PPP2R2A: variants seen among roughly 807,000 people sequenced by gnomAD.
PPP2R2A encodes serine/threonine-protein phosphatase 2A 55 kDa regulatory subunit B alpha isoform.
PPP2R2A carries 9 observed loss-of-function variants against 53.2 expected under a neutral mutation model. The ratio of observed to expected loss-of-function variants is 0.17; its 90% CI spans 0.10 to 0.30. PPP2R2A has a LOEUF of 0.30. Among genes scored for constraint, PPP2R2A ranks in the 10% least tolerant of loss-of-function variants. PPP2R2A has a pLI of 1.00. For missense variants in PPP2R2A, 235 were observed against 534.6 expected (o/e 0.44, Z 5.53); for synonymous variants, 169 against 174.2 (o/e 0.97, Z 0.23).
rs565023156 is a variant in PPP2R2A, at chr8:26,306,096, C to G, written c.82+12356C>G. Among the ~76,000 whole-genome samples, 21 of 151,944 alleles carry G rather than the reference C, an allele frequency of 1.4e-4. No homozygotes were observed. The South Asian group carries it at 1.5e-3, about 11-fold the overall frequency. ...GCTGAGACAGGAGAATCGCTTGAAC[C>G]CAGGAGTTAGAGGTTGCAGTGAGCC... On this transcript the variant is annotated intron_variant, in intron 2 of 9. Transcript: ENST00000380737.
rs1803120644 is a variant in PPP2R2A, at chr8:26,326,968, C to T, written c.83-11922C>T. ...TCTTGGTTGCAGTAGGATATGATTC[C>T]ATTCCATTTTATCCAAACGGGCTAT... is the stretch of plus-strand genomic sequence containing the variant. On this transcript the variant is annotated intron_variant, in intron 2 of 9. Coordinates refer to ENST00000380737, the MANE Select transcript of PPP2R2A (RefSeq NM_002717.4). Among the ~76,000 whole-genome samples, 5 of 152,310 alleles carry T rather than the reference C, an allele frequency of 3.3e-5. No homozygotes were observed. In the South Asian group the frequency reaches 1.0e-3, roughly 32 times the overall value.
At chr8:26,346,118 TTA>T (rs1804200574) in intron 3 of PPP2R2A, among the ~76,000 whole-genome samples, 1 of 10,504 alleles carries the variant, frequency 9.5e-5, no homozygotes, top group South Asian at 4.5e-3. Context: ...ACCAGTCGGG[TTA>T]TTATTATTAT....
chr8:26,347,271 A>C (rs934050788), intron 3 of PPP2R2A, among the ~76,000 whole-genome samples: 26 of 151,488 alleles, frequency 1.7e-4, no homozygotes, highest in African/African-American at 2.4e-5. Context: ...TTGAAATTCC[A>C]TTTTGAGAGA....
intron 1 of PPP2R2A, chr8:26,292,538 T>TA (rs891223517): frequency 1.3e-6 from 1 of 782,964 alleles, no homozygotes; most frequent in African/African-American, 1.9e-5. Context: ...TAGAGTTAGT[T>TA]AAAATAGTTG....
At chr8:26,310,568 T>C (rs1346512102) in intron 2 of PPP2R2A, among the ~76,000 whole-genome samples, 1 of 152,062 alleles carries the variant, frequency 6.6e-6, no homozygotes, top group Admixed American at 6.5e-5. Flanking sequence ...TGTTTGCTAT[T>C]GTAAAGATCA....
intron 2 of PPP2R2A, among the ~76,000 whole-genome samples, chr8:26,319,862 A>G (rs1802745223): frequency 6.6e-6 from 1 of 152,044 alleles, no homozygotes; most frequent in South Asian, 2.1e-4. Flanking sequence ...TTTCAGTGTA[A>G]AAGTCTTTTG....
chr8:26,324,925 A>C (rs1803012080), intron 2 of PPP2R2A, among the ~76,000 whole-genome samples: 1 of 150,822 alleles, frequency 6.6e-6, no homozygotes, highest in African/African-American at 2.4e-5. Context: ...ACTTGCATGG[A>C]CCCTATACCC....
rs1211389641 is a variant in PPP2R2A at position 26,362,108 on chromosome 8, A to C, written c.638-576A>C. Among the ~76,000 whole-genome samples, 2 of 150,958 alleles carry C rather than the reference A, an allele frequency of 1.3e-5. No homozygotes were observed. Among genetic ancestry groups the C allele is most frequent in the East Asian group, 3.9e-4 (2 of 5,190 alleles). On this transcript the variant is annotated intron_variant, in intron 6 of 9. Transcript: ENST00000380737. This position sits in a 1 kb window ranked among gnomAD's most constrained non-coding sequence, Gnocchi z 4.4. ...AATAATTAGATTAGATTAGAAAAAG[A>C]TTAGAAAAAGAAAGATTAAAGATTA...
rs190069871 is a variant in PPP2R2A, at chr8:26,341,918, A to G, written c.180+2931A>G. Among the ~76,000 whole-genome samples the G allele has an allele frequency of 1.0e-3, 153 of 152,310 alleles. 1 individual carries two copies. The highest frequency in any genetic ancestry group is 9.4e-3 in the Admixed American group (143 of 15,294). On this transcript the variant is annotated intron_variant, in intron 3 of 9. Coordinates refer to ENST00000380737, the MANE Select transcript of PPP2R2A (RefSeq NM_002717.4). ...GTCTGCCTCATTTATTTTACCCTTC[A>G]GAAGTAGCTAGTCTCCTTCCTGTGA... is the stretch of plus-strand genomic sequence containing the variant.
At chr8:26,326,710 T>A (rs1430422206) in intron 2 of PPP2R2A, among the ~76,000 whole-genome samples, 1 of 152,210 alleles carries the variant, frequency 6.6e-6, no homozygotes, top group Admixed American at 6.5e-5. Context: ...TGAGAAGCTA[T>A]TTACATTATA....
At chr8:26,325,182 C>A (rs528969950) in intron 2 of PPP2R2A, among the ~76,000 whole-genome samples, 86 of 151,768 alleles carry the variant, frequency 5.7e-4, no homozygotes, top group Admixed American at 1.6e-3. Context: ...CCATTCAAAT[C>A]TCAACTTGAA....
intron 3 of PPP2R2A, among the ~76,000 whole-genome samples, chr8:26,341,417 C>T (rs960134624): frequency 2.6e-5 from 4 of 151,898 alleles, no homozygotes; most frequent in Non-Finnish European, 5.9e-5. Flanking sequence ...CTAGAGGCAC[C>T]TTTGTTTCAA....
Position 26,372,537 on chromosome 8 carries a change from C to T in PPP2R2A, c.*2124C>T, listed in dbSNP as rs1043155807. ...ATTGCTAAAATTAAAATGCCTCTAT[C>T]AAGGAATGCTATTATAAATTATTGT... is the stretch of plus-strand genomic sequence containing the variant. On this transcript the variant is annotated 3_prime_UTR_variant, in exon 10 of 10. Coordinates refer to ENST00000380737, the MANE Select transcript of PPP2R2A (RefSeq NM_002717.4). 1 of 152,132 alleles carries T rather than the reference C, an allele frequency of 6.6e-6. No homozygotes were observed. Among genetic ancestry groups the T allele is most frequent in the Non-Finnish European group, 1.5e-5 (1 of 68,028 alleles). 9.4% of individuals were successfully genotyped at this position (152,132 alleles called of 1,614,324 possible).
intron 3 of PPP2R2A, among the ~76,000 whole-genome samples, chr8:26,344,766 T>C (rs371846212): frequency 1.2e-4 from 19 of 152,330 alleles, no homozygotes; most frequent in African/African-American, 3.8e-4. Flanking sequence ...ATTTAAAATA[T>C]CGGCTCAATG....
intron 2 of PPP2R2A, among the ~76,000 whole-genome samples, chr8:26,299,343 T>C (rs1303998355): frequency 6.6e-6 from 1 of 152,182 alleles, no homozygotes; most frequent in African/African-American, 2.4e-5. Flanking sequence ...TTTAGTAATC[T>C]TAAAATATCA....
At chr8:26,310,668 C>CTTTTTTTTT (rs79086645) in intron 2 of PPP2R2A, among the ~76,000 whole-genome samples, 2 of 46,888 alleles carry the variant, frequency 4.3e-5, no homozygotes, top group Non-Finnish European at 5.6e-5. Context: ...TTTTTTTTTC[C>CTTTTTTTTT]TTTTTTTTTT....
In PPP2R2A at chr8:26,362,739, A is replaced by G. The variant is rs79750550; in HGVS notation, c.693A>G (p.Ala231=). 19 of 1,614,122 alleles carry G rather than the reference A, an allele frequency of 1.2e-5. No individual in the cohort carries two copies. In the African/African-American group the frequency reaches 2.3e-4, roughly 19 times the overall value. ...NMEELTEVIT[A]AEFHPNSCNT... is the part of the protein sequence containing the mutation. ...AAGAGCTAACAGAGGTGATTACAGC[A>G]GCAGAATTTCATCCAAACAGCTGTA... The change falls in exon 7 of 10, where the codon GCA becomes GCG. Residue 231 remains alanine, a synonymous_variant. Transcript: ENST00000380737. This position sits in a 1 kb window ranked among gnomAD's most constrained non-coding sequence, Gnocchi z 4.4.
intron 3 of PPP2R2A, among the ~76,000 whole-genome samples, chr8:26,348,888 T>C (rs573660941): frequency 1.8e-4 from 28 of 152,356 alleles, no homozygotes; most frequent in Non-Finnish European, 2.9e-4. Context: ...GATTTTTGTT[T>C]TGTTTTACAG....
rs1278169291 is a variant in PPP2R2A, at chr8:26,362,040, C to T, written c.638-644C>T. The stretch of plus-strand genomic sequence containing the variant: ...AGATTAAGATTAGATTAAGATTAAT[C>T]TTAAGATTAGATTAAGATTAATTTT... On this transcript the variant is annotated intron_variant, in intron 6 of 9. Coordinates refer to ENST00000380737, the MANE Select transcript of PPP2R2A (RefSeq NM_002717.4). This position sits in a 1 kb window ranked among gnomAD's most constrained non-coding sequence, Gnocchi z 4.4. 1.3e-4 allele frequency among the ~76,000 whole-genome samples: 18 copies of T among 139,642 alleles called. No individual in the cohort carries two copies. The South Asian group carries it at 1.5e-3, about 12-fold the overall frequency. The allele number at this position is 139,642 out of a possible 152,430, so 91.6% of individuals were successfully genotyped here.
Sources: gnomAD v4.1 joint callset for allele counts (sites outside exome capture counted in the v4.1 genomes callset) on GRCh38, gnomAD v4.1.1 for gene constraint, Gnocchi (gnomAD v3.1) non-coding constraint, MANE v1.5 for transcripts, NCBI Gene and HGNC (gene_info 2026-07-23, HGNC 2026-07-21) for gene names.